FRY: variants seen among roughly 807,000 people sequenced by gnomAD.
FRY encodes protein furry homolog.
In FRY, 128 loss-of-function variants were observed where a neutral mutation model predicts 348.4. That is an observed-to-expected ratio of 0.37 (90% CI 0.32 to 0.43). FRY has a LOEUF of 0.43. Among genes scored for constraint, FRY ranks in the 20% least tolerant of loss-of-function variants. The pLI is 1.00. For synonymous variants in FRY, 1,370 were observed against 1,374.7 expected (o/e 1.00, Z 0.08); for missense variants, 2,736 against 3,695.2 (o/e 0.74, Z 6.73).
chr13:32,291,173 AG>A (rs1307765637), intron 59 of FRY, among the ~76,000 whole-genome samples: 1 of 152,160 alleles, frequency 6.6e-6, no homozygotes, highest in Non-Finnish European at 1.5e-5. Flanking sequence ...AGAGCAGAAG[AG>A]GAAGAGCCAC....
chr13:32,223,934 G>T lies in FRY; in HGVS notation c.4766-301G>T, dbSNP rs1193945949. 2.6e-5 allele frequency among the ~76,000 whole-genome samples: 4 copies of T among 151,710 alleles called. No individual in the cohort carries two copies. In the East Asian group the frequency reaches 5.8e-4, roughly 22 times the overall value. On this transcript the variant is annotated intron_variant, in intron 36 of 60. Transcript: ENST00000542859. ...GTATTTTTAGTAGAGGTGGGGTTTT[G>T]CCATGTTGGCCAGGCTGGTTTTGAA...
chr13:32,155,195 A>T (rs974302139), intron 14 of FRY, among the ~76,000 whole-genome samples: 1 of 152,184 alleles, frequency 6.6e-6, no homozygotes, highest in Non-Finnish European at 1.5e-5. Context: ...AGGATGAGGC[A>T]TATCTTTTAG....
intron 36 of FRY, among the ~76,000 whole-genome samples, chr13:32,220,942 G>T (rs1261911214): frequency 2.0e-5 from 3 of 152,202 alleles, no homozygotes; most frequent in African/African-American, 7.2e-5. Flanking sequence ...ACTGAGATGA[G>T]TTACTAGTGC....
At chr13:32,084,267 G>A (rs1278353432) in intron 2 of FRY, among the ~76,000 whole-genome samples, 4 of 152,084 alleles carry the variant, frequency 2.6e-5, no homozygotes, top group African/African-American at 9.7e-5. Flanking sequence ...TTCCTCCTCT[G>A]ATCTCATCTG....
intron 51 of FRY, among the ~76,000 whole-genome samples, chr13:32,256,690 A>T (rs1416104935): frequency 1.3e-5 from 2 of 152,244 alleles, no homozygotes; most frequent in African/African-American, 4.8e-5. Context: ...AAGATGCCTG[A>T]ACTTCAGAGT....
At chr13:32,170,433 A>G (rs1566108586) in intron 17 of FRY, among the ~76,000 whole-genome samples, 2 of 152,214 alleles carry the variant, frequency 1.3e-5, no homozygotes, top group Non-Finnish European at 2.9e-5. Context: ...GTAGTTATAT[A>G]AGATGTTAAC....
At chr13:32,268,520 A>ATATATATTCCT (rs1888055620) in intron 55 of FRY, among the ~76,000 whole-genome samples, 2 of 38,724 alleles carry the variant, frequency 5.2e-5, no homozygotes, top group Admixed American at 6.3e-4. Flanking sequence ...ATATATATAT[A>ATATATATTCCT]TATATATATA....
chr13:32,104,345 A>G (rs1483430689), intron 3 of FRY, among the ~76,000 whole-genome samples: 1 of 152,166 alleles, frequency 6.6e-6, no homozygotes, highest in Non-Finnish European at 1.5e-5. Flanking sequence ...TGTCATCAGC[A>G]TCACCTGGGA....
At chr13:32,052,551 TG>T (rs1201989790) in intron 1 of FRY, among the ~76,000 whole-genome samples, 1 of 152,224 alleles carries the variant, frequency 6.6e-6, no homozygotes, top group Admixed American at 6.5e-5. Context: ...TATTTCAACA[TG>T]TAATCAGCAT....
chr13:32,297,967 A>G lies in FRY; in HGVS notation c.*2507A>G, dbSNP rs1013614279. The G allele has an allele frequency of 1.3e-5, 2 of 152,270 alleles. No homozygotes were observed. Among genetic ancestry groups the G allele is most frequent in the African/African-American group, 4.8e-5 (2 of 41,472 alleles). 9.4% of individuals were successfully genotyped at this position (152,270 alleles called of 1,614,324 possible). A position where few individuals can be genotyped will look rare whatever the true frequency, so the allele number is the denominator to read the frequency against. Reference sequence around the variant, plus strand: ...AATCCAGACAGGCGCTCTGTAACTTAGACATCACTTGATTAAAATTATAGT... The same window carrying G: ...AATCCAGACAGGCGCTCTGTAACTTGGACATCACTTGATTAAAATTATAGT... On this transcript the variant is annotated 3_prime_UTR_variant, in exon 61 of 61. Coordinates refer to ENST00000542859, the MANE Select transcript of FRY (RefSeq NM_023037.3).
chr13:32,095,007 C>T (rs1404684956), intron 2 of FRY, among the ~76,000 whole-genome samples: 1 of 152,180 alleles, frequency 6.6e-6, no homozygotes, highest in African/African-American at 2.4e-5. Flanking sequence ...TGCTTGCCAG[C>T]ATTTGTTGTT....
At chr13:32,248,537 A>G (rs1886917130) in intron 48 of FRY, among the ~76,000 whole-genome samples, 1 of 152,028 alleles carries the variant, frequency 6.6e-6, no homozygotes, top group Admixed American at 6.6e-5. Flanking sequence ...ATATTAAAAA[A>G]AAAAGAAATA....
chr13:32,173,577 A>C (rs753543302), intron 19 of FRY, 28 bp downstream of exon 19: 1 of 1,544,870 alleles, frequency 6.5e-7, no homozygotes, highest in Admixed American at 1.7e-5. Flanking sequence ...GAATTTTTCC[A>C]TTTCTTACTT....
intron 2 of FRY, among the ~76,000 whole-genome samples, chr13:32,081,804 A>G (rs948757883): frequency 6.6e-6 from 1 of 152,190 alleles, no homozygotes; most frequent in Admixed American, 6.5e-5. Context: ...GGCATTTGGC[A>G]TTTTGTCCTG....
rs1057145057 is a variant in FRY, at chr13:32,261,395, T to C, written c.7417-221T>C. 6.8e-6 allele frequency: 5 copies of C among 733,566 alleles called. No homozygotes were observed. The African/African-American group carries it at 6.9e-5, about 10-fold the overall frequency. 45.4% of individuals were successfully genotyped at this position (733,566 alleles called of 1,614,324 possible). On this transcript the variant is annotated intron_variant, in intron 51 of 60. Coordinates refer to ENST00000542859, the MANE Select transcript of FRY (RefSeq NM_023037.3). The stretch of plus-strand genomic sequence containing the variant: ...TTACCCACCATGCCAAAGAAAAGTA[T>C]GTAATCATTTCTGCCTATGACTTCA...
intron 1 of FRY, among the ~76,000 whole-genome samples, chr13:32,073,633 A>G (rs556551963): frequency 6.6e-6 from 1 of 152,222 alleles, no homozygotes; most frequent in Non-Finnish European, 1.5e-5. Flanking sequence ...TAGAGTAGGA[A>G]CTATCACTTT....
At chr13:32,075,748 G>C (rs1875008269) in intron 1 of FRY, among the ~76,000 whole-genome samples, 1 of 152,170 alleles carries the variant, frequency 6.6e-6, no homozygotes, top group Non-Finnish European at 1.5e-5. Flanking sequence ...ATTAGGGTAG[G>C]ATGAAGAGGG....
At chr13:32,217,919 C>CAG (rs1231800929) in intron 35 of FRY, among the ~76,000 whole-genome samples, 1 of 152,068 alleles carries the variant, frequency 6.6e-6, no homozygotes, top group Non-Finnish European at 1.5e-5. Flanking sequence ...GAGGCCAGAC[C>CAG]AGAGAGTCTT....
chr13:32,089,129 T>C (rs144636235), intron 2 of FRY, among the ~76,000 whole-genome samples: 3 of 152,348 alleles, frequency 2.0e-5, no homozygotes, highest in African/African-American at 2.4e-5. Context: ...AAATCATCAG[T>C]ACAGTTTTCA....
Sources: gnomAD v4.1 joint callset for allele counts (sites outside exome capture counted in the v4.1 genomes callset) on GRCh38, gnomAD v4.1.1 for gene constraint, MANE v1.5 for transcripts, NCBI Gene and HGNC (gene_info 2026-07-23, HGNC 2026-07-21) for gene names.